Variants in MDC1 observed in about 807,000 individuals in gnomAD.
MDC1 encodes mediator of DNA damage checkpoint 1.
A neutral mutation model predicts 142.5 loss-of-function variants in MDC1; 81 were observed. The ratio of observed to expected loss-of-function variants is 0.57; its 90% CI spans 0.47 to 0.68. The LOEUF (loss-of-function observed/expected upper bound fraction) is 0.68, where lower values mean the gene tolerates loss of function less well. Ranked by LOEUF, MDC1 falls within the 30% of genes least tolerant of loss-of-function variation. MDC1 has a pLI of 0.00. For missense variants in MDC1, 2,119 were observed against 2,547.9 expected, an observed-to-expected ratio of 0.83 and a Z score of 3.62; for synonymous variants, 797 against 968.4, an observed-to-expected ratio of 0.82 and a Z score of 3.29.
intron 14 of MDC1, among the ~76,000 whole-genome samples, chr6:30,700,942 G>A (rs1048187049): frequency 4.7e-5 from 7 of 150,390 alleles, no homozygotes; most frequent in African/African-American, 1.5e-4. Context: ...GCGCGCTGAC[G>A]GGTGCCTGTC....
chr6:30,708,462 G>A (rs1774284729), intron 7 of MDC1, 105 bp from the exon 8 acceptor site: 1 of 837,774 alleles, frequency 1.2e-6, no homozygotes, highest in Non-Finnish European at 1.8e-6. Context: ...GATGAGAAAG[G>A]ATTTAGATAA....
Position 30,713,646 on chromosome 6 carries a change from A to C in MDC1, c.587+2T>G. ...TCAGGTGTCTGACTCTTTGGCACTC[A>C]CCTCTCTGGAACTATCACAGAGGAA... On this transcript the variant is annotated splice_donor_variant, in intron 4 of 14. Coordinates refer to ENST00000376406, the MANE Select transcript of MDC1 (RefSeq NM_014641.3). LOFTEE classifies it high-confidence loss of function. This position sits in a 1 kb window ranked among gnomAD's most constrained non-coding sequence, Gnocchi z 4.9. The C allele has an allele frequency of 6.2e-7, 1 of 1,613,542 alleles. No individual in the cohort carries two copies. Among genetic ancestry groups the C allele is most frequent in the Non-Finnish European group, 8.5e-7 (1 of 1,179,704 alleles).
intron 7 of MDC1, 109 bp downstream of exon 7, chr6:30,711,303 G>A (rs548468120): frequency 1.3e-5 from 12 of 955,130 alleles, no homozygotes; most frequent in Non-Finnish European, 1.6e-5. Flanking sequence ...CCTGGGAGGC[G>A]GAGGTTACAG....
rs755714530 is a variant in MDC1, at chr6:30,707,857, G to A, written c.2722C>T (p.Gln908Ter). 3.1e-6 allele frequency: 5 copies of A among 1,613,092 alleles called. No individual in the cohort carries two copies. Among genetic ancestry groups the A allele is most frequent in the East Asian group, 2.2e-5 (1 of 44,876 alleles). The change falls in exon 8 of 15, where the codon CAG becomes TAG. Residue 908 changes from glutamine (Q) to a stop codon, truncating the protein, a stop_gained. Transcript: ENST00000376406. LOFTEE classifies it high-confidence loss of function. ...EEIQEKQVQK[Q>*]TLPSKAFERE... ...TCAAATGCTTTGCTTGGAAGGGTCT[G>A]CTTCTGTACTTGTTTCTCTTGTATT...
Position 30,715,115 on chromosome 6 carries a change from T to A in MDC1, c.61A>T (p.Ser21Cys). The part of the protein sequence containing the change: ...VEEEEETEQS[S>C]ESLRCNVEPV... ...TCCACGTTACACCTCAAGGATTCAC[T>A]GGATTGCTCTGTCTCCTCCTCTTCT... Residue 21 changes from serine (S) to cysteine (C), a missense_variant, in exon 2 of 15, where the codon AGT (serine) becomes TGT (cysteine). Coordinates refer to ENST00000376406, the MANE Select transcript of MDC1 (RefSeq NM_014641.3). The surrounding 1 kb of genome is among the most constrained non-coding windows in gnomAD (Gnocchi z 4.1). The A allele has an allele frequency of 6.2e-7, 1 of 1,614,228 alleles. No homozygotes were observed. Among genetic ancestry groups the A allele is most frequent in the Non-Finnish European group, 8.5e-7 (1 of 1,180,032 alleles).
At position 30,712,320 on chromosome 6, in the gene MDC1, T is replaced by C; in HGVS notation, c.1622A>G (p.His541Arg). The C allele has an allele frequency of 6.2e-7, 1 of 1,613,114 alleles. No homozygotes were observed. Among genetic ancestry groups the C allele is most frequent in the Non-Finnish European group, 8.5e-7 (1 of 1,180,042 alleles). Residue 541 changes from histidine (H) to arginine (R), a missense_variant, in exon 5 of 15, where the codon CAT becomes CGT. By Grantham distance (29) the His-to-Arg change is conservative. Coordinates refer to ENST00000376406, the MANE Select transcript of MDC1 (RefSeq NM_014641.3). This position sits in a 1 kb window ranked among gnomAD's most constrained non-coding sequence, Gnocchi z 4.7. Reference sequence around the variant, plus strand: ...ATTTGTCCCCTCCACAGACACCTGATGCTTCTTTATATGTATAATGGCTGA... The same window carrying C: ...ATTTGTCCCCTCCACAGACACCTGACGCTTCTTTATATGTATAATGGCTGA... The part of the protein sequence containing the change: ...PGSAIIHIKK[H>R]QVSVEGTNQT...
chr6:30,700,613 GT>G lies in MDC1; in HGVS notation c.6121del (p.Thr2041HisfsTer26). 6.2e-7 allele frequency: 1 copy of G among 1,612,940 alleles called. No individual in the cohort carries two copies. The highest frequency in any genetic ancestry group is 8.5e-7 in the Non-Finnish European group (1 of 1,179,958). Reference sequence around the variant, plus strand: ...GCAATGAGGGAAGTCCTGAGGGCATGTGATCACAACTCTCTGAGGCTGGGGA... The same window carrying G: ...GCAATGAGGGAAGTCCTGAGGGCATGGATCACAACTCTCTGAGGCTGGGGA... ...RSYKPQRVVI[T>X]CPQDFPHCSI... On this transcript the variant is annotated frameshift_variant, in exon 15 of 15. Coordinates refer to ENST00000376406, the MANE Select transcript of MDC1 (RefSeq NM_014641.3). LOFTEE classifies it high-confidence loss of function.
chr6:30,714,137 G>A lies in MDC1; in HGVS notation c.183C>T (p.Asp61=). The change falls in exon 3 of 15, where the codon GAC becomes GAT. Residue 61 remains aspartate, a synonymous_variant. Coordinates refer to ENST00000376406, the MANE Select transcript of MDC1 (RefSeq NM_014641.3). Reference sequence around the variant, plus strand: ...ATGGAAAGGGCAGGGCCACAGAGCAGTCAGGCATTCGGCCTACCACATTCT... The same window carrying A: ...ATGGAAAGGGCAGGGCCACAGAGCAATCAGGCATTCGGCCTACCACATTCT... ...LGKNVVGRMP[D]CSVALPFPSI... 1 of 1,611,962 alleles carries A rather than the reference G, an allele frequency of 6.2e-7. No individual in the cohort carries two copies. The highest frequency in any genetic ancestry group is 8.5e-7 in the Non-Finnish European group (1 of 1,180,022).
rs3094107 is a variant in MDC1 at position 30,706,256 on chromosome 6, G to A, written c.3085-158C>T. ...AATCCCAGCACTTTGGGAGGCCGAG[G>A]CGGGCGGATCACGAGGTCAGGAGTT... On this transcript the variant is annotated intron_variant, in intron 9 of 14. Transcript: ENST00000376406. 6.8e-3 allele frequency among the ~76,000 whole-genome samples: 1,032 copies of A among 152,188 alleles called. 8 individuals are homozygous for A. The highest frequency in any genetic ancestry group is 9.7e-3 in the Admixed American group (148 of 15,286).
rs760785052 is a variant in MDC1 at position 30,712,263 on chromosome 6, G to A, written c.1679C>T (p.Ala560Val). The A allele has an allele frequency of 6.2e-7, 1 of 1,613,082 alleles. No individual in the cohort carries two copies. The highest frequency in any genetic ancestry group is 8.5e-7 in the Non-Finnish European group (1 of 1,180,028). The change falls in exon 5 of 15, where the codon GCA becomes GTA. Residue 560 changes from alanine (A) to valine (V), a missense_variant. By Grantham distance (64) the Ala-to-Val change is moderately conservative. Coordinates refer to ENST00000376406, the MANE Select transcript of MDC1 (RefSeq NM_014641.3). This position sits in a 1 kb window ranked among gnomAD's most constrained non-coding sequence, Gnocchi z 4.7. ...QTDVKAVGGP[A>V]KLLVVSLEEA... The stretch of plus-strand genomic sequence containing the variant: ...CTCTAGAGATACCACAAGCAGCTTT[G>A]CTGGTCCCCCAACTGCTTTCACATC...
Position 30,700,099 on chromosome 6 carries a change from C to A in MDC1, c.*366G>T. Reference sequence around the variant, plus strand: ...GTAGGACACCATGAGTGGCATCGAGCAATAACTGCAACAGTCTGGCTAAAG... The same window carrying A: ...GTAGGACACCATGAGTGGCATCGAGAAATAACTGCAACAGTCTGGCTAAAG... On this transcript the variant is annotated 3_prime_UTR_variant, in exon 15 of 15. Transcript: ENST00000376406. 4.1e-6 allele frequency: 1 copy of A among 244,292 alleles called. No homozygotes were observed. Among genetic ancestry groups the A allele is most frequent in the Non-Finnish European group, 7.9e-6 (1 of 125,882 alleles). 15.1% of individuals were successfully genotyped at this position (244,292 alleles called of 1,614,324 possible). A position where few individuals can be genotyped will look rare whatever the true frequency, so the allele number is the denominator to read the frequency against.
At position 30,708,141 on chromosome 6, in the gene MDC1, A is replaced by G. The variant is rs1382196859; in HGVS notation, c.2438T>C (p.Val813Ala). ...QGRGRQTVDK[V>A]MGIPKETAER... Reference sequence around the variant, plus strand: ...TGCTGTTTCTTTTGGTATACCCATGACTTTATCCACAGTCTGCCTCCCTCT... The same window carrying G: ...TGCTGTTTCTTTTGGTATACCCATGGCTTTATCCACAGTCTGCCTCCCTCT... Residue 813 changes from valine (V) to alanine (A), a missense_variant, in exon 8 of 15, where the codon GTC (valine) becomes GCC (alanine). Physicochemically the swap from Val to Ala is moderately conservative, Grantham distance 64. Coordinates refer to ENST00000376406, the MANE Select transcript of MDC1 (RefSeq NM_014641.3). 2 of 1,612,898 alleles carry G rather than the reference A, an allele frequency of 1.2e-6. No individual in the cohort carries two copies. Among genetic ancestry groups the G allele is most frequent in the East Asian group, 4.5e-5 (2 of 44,860 alleles).
chr6:30,703,671 T>A lies in MDC1; in HGVS notation c.5512A>T (p.Ile1838Phe). Residue 1838 changes from isoleucine to phenylalanine, a missense_variant, in exon 10 of 15, where the codon ATT (isoleucine) becomes TTT (phenylalanine). Ile to Phe is a conservative substitution (Grantham distance 21, BLOSUM62 0). Coordinates refer to ENST00000376406, the MANE Select transcript of MDC1 (RefSeq NM_014641.3). This position sits in a 1 kb window ranked among gnomAD's most constrained non-coding sequence, Gnocchi z 4.4. ...GTATCTTCTTCCTCTTCCTTGATAA[T>A]CACTGTCTTCTGGGAGACTTCCCCT... is the stretch of plus-strand genomic sequence containing the variant. ...QRGEVSQKTVIIKEEEEDTAE... is the reference protein window; with the variant it reads ...QRGEVSQKTVFIKEEEEDTAE... The A allele has an allele frequency of 6.4e-7, 1 of 1,553,398 alleles. No homozygotes were observed.
intron 7 of MDC1, among the ~76,000 whole-genome samples, chr6:30,711,110 T>G (rs987908192): frequency 3.3e-5 from 5 of 152,212 alleles, no homozygotes; most frequent in African/African-American, 1.2e-4. Context: ...CGCAGTGGCT[T>G]ACGCCTGCAA....
chr6:30,703,316 G>A lies in MDC1; in HGVS notation c.5683-30C>T, dbSNP rs1303885899. 7 of 1,608,338 alleles carry A rather than the reference G, an allele frequency of 4.4e-6. No individual in the cohort carries two copies. Among genetic ancestry groups the A allele is most frequent in the African/African-American group, 4.0e-5 (3 of 74,832 alleles). ...GGAAGGGTTGACCTGAGGTGGTTAC[G>A]GCAACCCATGCCATCAGCACCCATC... On this transcript the variant is annotated intron_variant, in intron 11 of 14. Coordinates refer to ENST00000376406, the MANE Select transcript of MDC1 (RefSeq NM_014641.3). This position sits in a 1 kb window ranked among gnomAD's most constrained non-coding sequence, Gnocchi z 4.4.
Position 30,703,162 on chromosome 6 carries a change from T to C in MDC1, c.5807A>G (p.Lys1936Arg). Reference sequence around the variant, plus strand: ...TCCCCGCCCCAGGGCACACAGGAACTTGACTGTCCGGCGGATGCGATCAGT... The same window carrying C: ...TCCCCGCCCCAGGGCACACAGGAACCTGACTGTCCGGCGGATGCGATCAGT... ...LVTDRIRRTV[K>R]FLCALGRGIP... is the part of the protein sequence containing the mutation. Residue 1936 changes from lysine (K) to arginine (R), a missense_variant, in exon 12 of 15, where the codon AAG becomes AGG. Coordinates refer to ENST00000376406, the MANE Select transcript of MDC1 (RefSeq NM_014641.3). This position sits in a 1 kb window ranked among gnomAD's most constrained non-coding sequence, Gnocchi z 4.4. 1.2e-6 allele frequency: 2 copies of C among 1,613,114 alleles called. No homozygotes were observed. Among genetic ancestry groups the C allele is most frequent in the Non-Finnish European group, 8.5e-7 (1 of 1,180,032 alleles).
chr6:30,700,264 TA>T lies in MDC1; in HGVS notation c.*200del. The T allele has an allele frequency of 6.5e-6, 3 of 458,698 alleles. No individual in the cohort carries two copies. Among genetic ancestry groups the T allele is most frequent in the South Asian group, 7.5e-5 (1 of 13,274 alleles). 28.4% of individuals were successfully genotyped at this position (458,698 alleles called of 1,614,324 possible). Reference sequence around the variant, plus strand: ...AATACAAATAAAATAAAATGGCCATTAAAAAAACAAACAAACAAACAAAAAA... The same window carrying T: ...AATACAAATAAAATAAAATGGCCATTAAAAAACAAACAAACAAACAAAAAA... On this transcript the variant is annotated 3_prime_UTR_variant, in exon 15 of 15. Transcript: ENST00000376406.
chr6:30,707,033 T>C (rs926661912), intron 9 of MDC1, among the ~76,000 whole-genome samples: 4 of 152,164 alleles, frequency 2.6e-5, no homozygotes, highest in Non-Finnish European at 5.9e-5. Flanking sequence ...TCTCCTCCAT[T>C]AGACTGGGAT....
Position 30,704,690 on chromosome 6 carries a change from GCCT to G in MDC1, c.4490_4492del (p.Gln1497_Ala1498delinsPro). ...GACAGGCTGGTCTGTGGAGGCGGAA[GCCT>G]GTAGCTCAGGGGCTGTGGGGACAAC... is the stretch of plus-strand genomic sequence containing the variant. On this transcript the variant is annotated inframe_deletion, in exon 10 of 15. Transcript: ENST00000376406. 1 of 1,610,380 alleles carries G rather than the reference GCCT, an allele frequency of 6.2e-7. No homozygotes were observed. The highest frequency in any genetic ancestry group is 8.5e-7 in the Non-Finnish European group (1 of 1,178,058).
Sources: allele counts gnomAD v4.1 joint callset (sites outside exome capture counted in the v4.1 genomes callset), GRCh38; gene constraint gnomAD v4.1.1; non-coding constraint Gnocchi (gnomAD v3.1); transcripts MANE v1.5; gene names NCBI Gene and HGNC (gene_info 2026-07-23, HGNC 2026-07-21).